The following SPINK5 variants were observed in gnomAD, a reference collection of about 807,000 sequenced individuals.
SPINK5 encodes serine peptidase inhibitor Kazal type 5, also known as serine protease inhibitor Kazal-type 5.
SPINK5 carries 125 observed loss-of-function variants against 151.8 expected under a neutral mutation model. The ratio of observed to expected loss-of-function variants is 0.82; its 90% CI spans 0.71 to 0.96. The LOEUF (loss-of-function observed/expected upper bound fraction) is 0.96, where lower values mean the gene tolerates loss of function less well. SPINK5 is among the 40% of genes least tolerant of loss of function. The pLI is 0.00. For synonymous variants in SPINK5, 374 were observed against 395.3 expected (o/e 0.95, Z 0.64); for missense variants, 1,194 against 1,291.9 (o/e 0.92, Z 1.16).
At chr5:148,107,782 T>G (rs1753819939) in intron 17 of SPINK5, among the ~76,000 whole-genome samples, 1 of 152,130 alleles carries the variant, frequency 6.6e-6, no homozygotes, top group East Asian at 1.9e-4. Flanking sequence ...TTTTGCTGAG[T>G]GGTGTAGGTA....
At chr5:148,133,961 C>T (rs1581116044) in intron 32 of SPINK5, 74 bp downstream of exon 32, 2 of 1,472,252 alleles carry the variant, frequency 1.4e-6, no homozygotes, top group East Asian at 4.6e-5. Flanking sequence ...TTCTCTTCCA[C>T]TGAGTAATGG....
Position 148,119,037 on chromosome 5 carries a change from G to T in SPINK5, c.2292G>T (p.Gly764=), listed in dbSNP as rs368503833. ...KNEYSRSRSN[G]TGSESGKDTC... ...AGTATTCTCGCTCCAGATCAAATGG[G>T]ACTGGATCAGAATCAGGGAAGGTGA... Residue 764 remains glycine, a synonymous_variant, in exon 24 of 33, where the codon GGG becomes GGT. Transcript: ENST00000256084. The T allele has an allele frequency of 1.2e-6, 2 of 1,614,006 alleles. No homozygotes were observed. The highest frequency in any genetic ancestry group is 1.1e-5 in the South Asian group (1 of 91,060).
At chr5:148,111,160 G>A (rs537987132) in intron 18 of SPINK5, among the ~76,000 whole-genome samples, 106 of 151,556 alleles carry the variant, frequency 7.0e-4, no homozygotes, top group Non-Finnish European at 1.3e-3. Flanking sequence ...TCTAGAGGCC[G>A]TCCATGTTCC....
chr5:148,100,800 AT>A (rs746172907), intron 13 of SPINK5, among the ~76,000 whole-genome samples: 1 of 152,330 alleles, frequency 6.6e-6, no homozygotes, highest in Non-Finnish European at 1.5e-5. Flanking sequence ...ATCTTGAAAT[AT>A]TCAAGTAGTT....
chr5:148,073,577 A>G (rs1473943730), intron 4 of SPINK5, among the ~76,000 whole-genome samples: 1 of 151,802 alleles, frequency 6.6e-6, no homozygotes, highest in East Asian at 1.9e-4. Flanking sequence ...CTCTGTCTTC[A>G]TCATAAAAAA....
At chr5:148,083,019 T>C (rs10059850) in intron 4 of SPINK5, among the ~76,000 whole-genome samples, 96,557 of 147,068 alleles carry the variant, frequency 0.66, 32,228 homozygotes, top group East Asian at 0.78. Flanking sequence ...TTCTGAGAAG[T>C]GTTTGCTTAA....
chr5:148,068,425 A>G (rs1243522644), intron 2 of SPINK5, among the ~76,000 whole-genome samples: 2 of 151,992 alleles, frequency 1.3e-5, no homozygotes, highest in South Asian at 2.1e-4. Context: ...TGCTGTATCT[A>G]TGTCACCTAG....
chr5:148,089,299 G>T, intron 6 of SPINK5, 195 bp from the exon 7 acceptor site: 1 of 708,360 alleles, frequency 1.4e-6, no homozygotes, highest in Non-Finnish European at 2.5e-6. Flanking sequence ...CTAAATAAAT[G>T]AATAAACAAG....
chr5:148,105,164 A>G (rs1227336214), intron 16 of SPINK5, among the ~76,000 whole-genome samples, 164 bp downstream of exon 16: 3 of 152,228 alleles, frequency 2.0e-5, no homozygotes, highest in Non-Finnish European at 4.4e-5. Context: ...AGAAGTGTCC[A>G]GAGTACCAAT....
In SPINK5 at chr5:148,095,798, A is replaced by G. The variant is rs1439802902; in HGVS notation, c.795-20A>G. Reference sequence around the variant, plus strand: ...ATGAAGATCGGAAGCATCTCTACTCATTTATTTTACTTTTTCCAGCAAGCA... The same window carrying G: ...ATGAAGATCGGAAGCATCTCTACTCGTTTATTTTACTTTTTCCAGCAAGCA... On this transcript the variant is annotated intron_variant, in intron 9 of 32. Transcript: ENST00000256084. 2 of 1,594,342 alleles carry G rather than the reference A, an allele frequency of 1.3e-6. No individual in the cohort carries two copies. The highest frequency in any genetic ancestry group is 3.3e-5 in the Admixed American group (2 of 59,756).
intron 4 of SPINK5, among the ~76,000 whole-genome samples, chr5:148,080,322 T>C (rs999854623): frequency 6.6e-6 from 1 of 151,374 alleles, no homozygotes; most frequent in Non-Finnish European, 1.5e-5. Context: ...CCAATATTAA[T>C]CAATAAATTA....
At position 148,092,941 on chromosome 5, in the gene SPINK5, G is replaced by A. The variant is rs557956731; in HGVS notation, c.667-1413G>A. Among the ~76,000 whole-genome samples the A allele has an allele frequency of 5.5e-4, 84 of 152,054 alleles. 1 individual carries two copies. The highest frequency in any genetic ancestry group is 2.8e-3 in the Admixed American group (43 of 15,252). On this transcript the variant is annotated intron_variant, in intron 8 of 32. Coordinates refer to ENST00000256084, the MANE Select transcript of SPINK5 (RefSeq NM_006846.4). The stretch of plus-strand genomic sequence containing the variant: ...CTAGAAAAGGTCCTACAGAGCATCT[G>A]TTCCAAAAACCTCATTGTAGAAGTA...
chr5:148,091,100 AG>A, intron 7 of SPINK5, 64 bp from the exon 8 acceptor site: 1 of 1,359,042 alleles, frequency 7.4e-7, no homozygotes, highest in East Asian at 2.4e-5. Flanking sequence ...TGTTTAGCAC[AG>A]GACTGAGGAT....
chr5:148,095,787 C>T, intron 9 of SPINK5, 31 bp from the exon 10 acceptor site: 1 of 1,537,818 alleles, frequency 6.5e-7, no homozygotes, highest in East Asian at 2.3e-5. Context: ...AGATCGGAAG[C>T]ATCTCTACTC....
At position 148,095,861 on chromosome 5, in the gene SPINK5, T is replaced by C; in HGVS notation, c.838T>C (p.Leu280=). The C allele has an allele frequency of 2.5e-6, 4 of 1,612,386 alleles. No homozygotes were observed. The highest frequency in any genetic ancestry group is 3.4e-6 in the Non-Finnish European group (4 of 1,179,026). ...GGAAAACAGTAAAACAGATCAAAAT[T>C]TGGGAAAAGCTGAAGAAAAAACTAA... The part of the protein sequence containing the change: ...SEENSKTDQN[L]GKAEEKTKVK... The change falls in exon 10 of 33, where the codon TTG becomes CTG. Residue 280 remains leucine (L), a synonymous_variant. Transcript: ENST00000256084.
At chr5:148,093,900 A>G (rs770042911) in intron 8 of SPINK5, among the ~76,000 whole-genome samples, 32 of 151,926 alleles carry the variant, frequency 2.1e-4, no homozygotes, top group Admixed American at 3.9e-4. Flanking sequence ...AGTAATCCTC[A>G]TTAATATGTT....
chr5:148,120,320 A>C lies in SPINK5; in HGVS notation c.2467A>C (p.Lys823Gln). Residue 823 changes from lysine to glutamine, a missense_variant, in exon 26 of 33, where the codon AAG (lysine) becomes CAG (glutamine). Physicochemically the swap from Lys to Gln is moderately conservative, Grantham distance 53. Transcript: ENST00000256084. ...KLEREAAEKK[K>Q]KEDEDRSNTG... The stretch of plus-strand genomic sequence containing the variant: ...GGAAAGGGAAGCAGCTGAAAAAAAA[A>C]AGAAAGAGGATGAAGACAGGAGCAA... The C allele has an allele frequency of 6.2e-7, 1 of 1,605,686 alleles. No individual in the cohort carries two copies. Among genetic ancestry groups the C allele is most frequent in the Admixed American group, 1.7e-5 (1 of 59,214 alleles).
chr5:148,134,583 A>G (rs1049661774), intron 32 of SPINK5, among the ~76,000 whole-genome samples: 1 of 152,184 alleles, frequency 6.6e-6, no homozygotes, highest in African/African-American at 2.4e-5. Flanking sequence ...TATTCAATAA[A>G]TACTGACTTT....
rs1414257249 is a variant in SPINK5 at position 148,098,070 on chromosome 5, G to C, written c.1010+76G>C. 2.9e-6 allele frequency: 4 copies of C among 1,400,372 alleles called. No homozygotes were observed. The Admixed American group carries it at 7.2e-5, about 25-fold the overall frequency. 86.7% of individuals were successfully genotyped at this position (1,400,372 alleles called of 1,614,324 possible). A position where few individuals can be genotyped will look rare whatever the true frequency, so the allele number is the denominator to read the frequency against. The stretch of plus-strand genomic sequence containing the variant: ...TTTAATAGAAACAGCTTCTTTCATA[G>C]ATGGGGAGACTGTGGCTCAAGACAG... On this transcript the variant is annotated intron_variant, in intron 11 of 32. Coordinates refer to ENST00000256084, the MANE Select transcript of SPINK5 (RefSeq NM_006846.4).
Sources: gnomAD v4.1 joint callset for allele counts (sites outside exome capture counted in the v4.1 genomes callset) on GRCh38, gnomAD v4.1.1 for gene constraint, MANE v1.5 for transcripts, NCBI Gene and HGNC (gene_info 2026-07-23, HGNC 2026-07-21) for gene names.